COQ2: variants seen among roughly 807,000 people sequenced by gnomAD.
The protein encoded by COQ2 is coenzyme Q2, polyprenyltransferase, also known as 4-hydroxybenzoate polyprenyltransferase, mitochondrial.
A neutral mutation model predicts 35.7 loss-of-function variants in COQ2; 25 were observed. The ratio of observed to expected loss-of-function variants is 0.70; its 90% CI spans 0.51 to 0.98. The LOEUF (loss-of-function observed/expected upper bound fraction) is 0.98. Among genes scored for constraint, COQ2 ranks in the 50% least tolerant of loss-of-function variants. COQ2 has a pLI of 0.00. For missense variants in COQ2, 488 were observed against 473.5 expected (o/e 1.03, Z -0.28); for synonymous variants, 206 against 186.2 (o/e 1.11, Z -0.86).
Position 83,264,160 on chromosome 4 carries a change from T to C in COQ2, c.*39A>G. ...TGTATTCAAATCTAATTATATTTTG[T>C]AAAAAATGTTTTAAAAATTCCTAGA... On this transcript the variant is annotated 3_prime_UTR_variant, in exon 7 of 7. Transcript: ENST00000647002. 1 of 997,966 alleles carries C rather than the reference T, an allele frequency of 1.0e-6. No homozygotes were observed. Among genetic ancestry groups the C allele is most frequent in the Non-Finnish European group, 1.4e-6 (1 of 692,814 alleles). 61.8% of individuals were successfully genotyped at this position (997,966 alleles called of 1,614,324 possible).
intron 6 of COQ2, among the ~76,000 whole-genome samples, chr4:83,264,575 T>C (rs1734865762): frequency 6.6e-6 from 1 of 151,966 alleles, no homozygotes; most frequent in Non-Finnish European, 1.5e-5. Flanking sequence ...AGGTCAAGGC[T>C]GCAATAAGCC....
chr4:83,270,893 T>C (rs1735033331), intron 4 of COQ2, among the ~76,000 whole-genome samples: 2 of 152,232 alleles, frequency 1.3e-5, no homozygotes, highest in African/African-American at 4.8e-5. Flanking sequence ...AGCTTCTTAA[T>C]ATTATCTTAT....
At chr4:83,270,046 C>T in intron 4 of COQ2, 53 bp from the exon 5 acceptor site, 1 of 1,591,030 alleles carries the variant, frequency 6.3e-7, no homozygotes, top group Non-Finnish European at 8.6e-7. Context: ...CTTTAGAATC[C>T]TAAAGGGAAG....
chr4:83,269,912 T>TA lies in COQ2; in HGVS notation c.709dup (p.Tyr237LeufsTer12). ...TAGTGTCCACATAACTCCAGAAAAA[T>TA]AAAGAGGCAGGCAAACAGATGGATC... On this transcript the variant is annotated frameshift_variant, in exon 5 of 7. Transcript: ENST00000647002. LOFTEE classifies it high-confidence loss of function. The TA allele has an allele frequency of 6.2e-7, 1 of 1,612,460 alleles. No homozygotes were observed. The highest frequency in any genetic ancestry group is 8.5e-7 in the Non-Finnish European group (1 of 1,178,810).
intron 6 of COQ2, among the ~76,000 whole-genome samples, chr4:83,265,095 G>A (rs555726923): frequency 1.6e-3 from 245 of 152,276 alleles, no homozygotes; most frequent in Middle Eastern, 6.8e-3. Context: ...TAGAACAAGC[G>A]TACTCCTTTT....
intron 4 of COQ2, among the ~76,000 whole-genome samples, chr4:83,270,466 G>A (rs1473380601): frequency 6.6e-6 from 1 of 152,090 alleles, no homozygotes; most frequent in East Asian, 1.9e-4. Context: ...TCTGAGGACT[G>A]TAAACAAACA....
chr4:83,273,876 G>C (rs796351741), intron 2 of COQ2, among the ~76,000 whole-genome samples: 5 of 150,870 alleles, frequency 3.3e-5, no homozygotes, highest in African/African-American at 9.8e-5. Context: ...GGGTGCAGTG[G>C]CTCAAGCCTG....
Position 83,267,700 on chromosome 4 carries a change from G to A in COQ2, c.837C>T (p.Leu279=). 6.4e-7 allele frequency: 1 copy of A among 1,555,190 alleles called. No homozygotes were observed. The highest frequency in any genetic ancestry group is 8.7e-7 in the Non-Finnish European group (1 of 1,149,160). Residue 279 remains leucine, a synonymous_variant, in exon 6 of 7, where the codon CTC becomes CTT. Coordinates refer to ENST00000647002, the MANE Select transcript of COQ2 (RefSeq NM_001358921.2). ...CCAGCATTGCAACACTGAAGCCGCT[G>A]AGCCACGGCTTGGTATTTTCTCCGA... ...LRFGENTKPW[L]SGFSVAMLGA...
At chr4:83,273,447 C>T in intron 3 of COQ2, 49 bp downstream of exon 3, 3 of 1,540,434 alleles carry the variant, frequency 1.9e-6, no homozygotes, top group Non-Finnish European at 2.6e-6. Context: ...CTATTTTCTC[C>T]ATTTCAAAGG....
chr4:83,274,310 C>G (rs1459573204), intron 2 of COQ2, among the ~76,000 whole-genome samples: 2 of 152,158 alleles, frequency 1.3e-5, no homozygotes, highest in Non-Finnish European at 2.9e-5. Flanking sequence ...TCTCCTGTCT[C>G]AGCCTCCCAA....
chr4:83,278,990 G>C lies in COQ2; in HGVS notation c.378C>G (p.Gly126=). ...GTGAILMRGA[G]CTINDMWDQD... is the part of the protein sequence containing the mutation. ...GGTCCCACATGTCATTAATAGTACA[G>C]CCTGCTCCACGCATCAGAATAGCTC... The change falls in exon 2 of 7, where the codon GGC becomes GGG. Residue 126 remains glycine, a synonymous_variant. Coordinates refer to ENST00000647002, the MANE Select transcript of COQ2 (RefSeq NM_001358921.2). The C allele has an allele frequency of 1.9e-6, 3 of 1,609,224 alleles. No homozygotes were observed. Among genetic ancestry groups the C allele is most frequent in the Non-Finnish European group, 2.5e-6 (3 of 1,177,888 alleles).
At chr4:83,265,646 G>A (rs894617363) in intron 6 of COQ2, among the ~76,000 whole-genome samples, 3 of 151,982 alleles carry the variant, frequency 2.0e-5, no homozygotes, top group Non-Finnish European at 4.4e-5. Context: ...AATATAAAGT[G>A]GGCTCCAAGT....
chr4:83,284,922 G>T (rs768596908), upstream of COQ2: 64 of 1,498,778 alleles, frequency 4.3e-5, no homozygotes, highest in Non-Finnish European at 5.6e-5. Context: ...CATCGTGGTC[G>T]CTTACTCTAG....
chr4:83,284,073 C>T (rs1735391772), intron 1 of COQ2: 2 of 985,330 alleles, frequency 2.0e-6, no homozygotes, highest in Non-Finnish European at 1.2e-6. Context: ...TAAGGATTGT[C>T]TTTGTGGGCC....
chr4:83,284,693 C>CCAGCCCGG lies in COQ2; in HGVS notation c.64_71dup (p.Trp24CysfsTer101). ...GCGCCAGGGCGAAGGAGCGGCCCCG[C>CCAGCCCGG]CAGCCCGGCAGCCACGCCAGTGCCA... On this transcript the variant is annotated frameshift_variant, in exon 1 of 7. Coordinates refer to ENST00000647002, the MANE Select transcript of COQ2 (RefSeq NM_001358921.2). LOFTEE classifies it high-confidence loss of function. The CCAGCCCGG allele has an allele frequency of 1.4e-5, 20 of 1,478,878 alleles. No individual in the cohort carries two copies. Among genetic ancestry groups the CCAGCCCGG allele is most frequent in the Non-Finnish European group, 1.8e-5 (20 of 1,120,938 alleles). 91.6% of individuals were successfully genotyped at this position (1,478,878 alleles called of 1,614,324 possible). A position where few individuals can be genotyped will look rare whatever the true frequency, so the allele number is the denominator to read the frequency against.
At chr4:83,278,877 A>C (rs948445306) in intron 2 of COQ2, 71 bp downstream of exon 2, 1 of 1,404,552 alleles carries the variant, frequency 7.1e-7, no homozygotes, top group African/African-American at 1.5e-5. Context: ...TATGGCATTC[A>C]AAAGTGATAC....
chr4:83,281,784 A>T (rs1413212534), intron 1 of COQ2, among the ~76,000 whole-genome samples: 1 of 152,212 alleles, frequency 6.6e-6, no homozygotes, highest in Non-Finnish European at 1.5e-5. Context: ...ACTGACGCAG[A>T]GAGGGAGTAA....
Position 83,267,707 on chromosome 4 carries a change from G to A in COQ2, c.830C>T (p.Pro277Leu), listed in dbSNP as rs374567167. 91 of 1,554,158 alleles carry A rather than the reference G, an allele frequency of 5.9e-5. 1 individual carries two copies. The highest frequency in any genetic ancestry group is 1.9e-4 in the South Asian group (16 of 84,148). ...TGCAACACTGAAGCCGCTGAGCCAC[G>A]GCTTGGTATTTTCTCCGAACCGCAG... ...TALRFGENTK[P>L]WLSGFSVAML... The change falls in exon 6 of 7, where the codon CCG (proline) becomes CTG (leucine). Residue 277 changes from proline (P) to leucine (L), a missense_variant. Physicochemically the swap from Pro to Leu is moderately conservative, Grantham distance 98. Transcript: ENST00000647002.
At position 83,273,980 on chromosome 4, in the gene COQ2, C is replaced by CAAA. The variant is rs967781699; in HGVS notation, c.421-366_421-364dup. ...GCAACATAAGGAGGCGCTGTCTCTA[C>CAAA]AAAAAAAAAAAAAAAAAAAAAAAAA... On this transcript the variant is annotated intron_variant, in intron 2 of 6. Coordinates refer to ENST00000647002, the MANE Select transcript of COQ2 (RefSeq NM_001358921.2). Among the ~76,000 whole-genome samples the CAAA allele has an allele frequency of 4.1e-3, 118 of 29,040 alleles. 6 individuals carry two copies. Among genetic ancestry groups the CAAA allele is most frequent in the African/African-American group, 0.012 (103 of 8,652 alleles). 19.1% of individuals were successfully genotyped at this position (29,040 alleles called of 152,430 possible). A position where few individuals can be genotyped will look rare whatever the true frequency, so the allele number is the denominator to read the frequency against.
Sources: allele counts gnomAD v4.1 joint callset (sites outside exome capture counted in the v4.1 genomes callset), GRCh38; gene constraint gnomAD v4.1.1; transcripts MANE v1.5; gene names NCBI Gene and HGNC (gene_info 2026-07-23, HGNC 2026-07-21).